The following ZNF892 variants were observed in gnomAD, a reference collection of about 807,000 sequenced individuals.
ZNF892 encodes the protein zinc finger protein 892.
At chr2:95,225,197 T>A in the ZNF892 span, among the ~76,000 whole-genome samples, 3 of 152,226 alleles carry the variant, frequency 2.0e-5, no homozygotes, top group Non-Finnish European at 4.4e-5. Flanking sequence ...TCTTTCCTTT[T>A]TTAAAAAAAT....
chr2:95,253,468 G>C, the ZNF892 span, among the ~76,000 whole-genome samples: 65 of 152,294 alleles, frequency 4.3e-4, no homozygotes, highest in Admixed American at 8.5e-4. Context: ...CCAGTACCAT[G>C]CTGTTTTGGT....
At chr2:95,225,383 AG>A in the ZNF892 span, among the ~76,000 whole-genome samples, 3 of 152,310 alleles carry the variant, frequency 2.0e-5, no homozygotes, top group Non-Finnish European at 2.9e-5. Flanking sequence ...TTCGAGATCA[AG>A]GGGCTAGCAT....
At chr2:95,241,150 A>G in the ZNF892 span, among the ~76,000 whole-genome samples, 2 of 152,222 alleles carry the variant, frequency 1.3e-5, no homozygotes, top group South Asian at 4.1e-4. Flanking sequence ...CACCTGCTCT[A>G]CCAAAAAGCA....
At chr2:95,217,183 CTCT>C in the ZNF892 span, among the ~76,000 whole-genome samples, 1 of 152,144 alleles carries the variant, frequency 6.6e-6, no homozygotes, top group Non-Finnish European at 1.5e-5. Flanking sequence ...AAATAGCTCC[CTCT>C]TCTTATCAGT....
chr2:95,250,420 A>G, the ZNF892 span, among the ~76,000 whole-genome samples: 1 of 151,668 alleles, frequency 6.6e-6, no homozygotes, highest in Non-Finnish European at 1.5e-5. Context: ...TCATATGAAC[A>G]TGAAAAACAT....
At chr2:95,235,237 A>G in the ZNF892 span, among the ~76,000 whole-genome samples, 1 of 152,226 alleles carries the variant, frequency 6.6e-6, no homozygotes, top group Non-Finnish European at 1.5e-5. Context: ...CATCCAGTCA[A>G]GATTTCTAGA....
chr2:95,228,485 C>T, the ZNF892 span, among the ~76,000 whole-genome samples: 1 of 152,106 alleles, frequency 6.6e-6, no homozygotes, highest in Non-Finnish European at 1.5e-5. Flanking sequence ...TTGTCCTGTT[C>T]CTAATGCTAA....
At chr2:95,206,595 A>G in the ZNF892 span, among the ~76,000 whole-genome samples, 1 of 152,260 alleles carries the variant, frequency 6.6e-6, no homozygotes, top group African/African-American at 2.4e-5. Context: ...ACCAGGTGCA[A>G]GGCTTTAAAT....
the ZNF892 span, among the ~76,000 whole-genome samples, chr2:95,218,402 A>T: frequency 6.6e-6 from 1 of 152,246 alleles, no homozygotes; most frequent in Admixed American, 6.5e-5. Flanking sequence ...CCTTTCAGAA[A>T]ACACTAGAAC....
the ZNF892 span, among the ~76,000 whole-genome samples, chr2:95,250,750 CCATAAATTATAAATTTAT>C: frequency 5.7e-5 from 8 of 139,532 alleles, no homozygotes; most frequent in African/African-American, 7.8e-5. Context: ...TATAAAATAT[CCATAAATTATAAATTTAT>C]CATAAATTAT....
the ZNF892 span, among the ~76,000 whole-genome samples, chr2:95,249,703 A>G: frequency 6.6e-6 from 1 of 152,240 alleles, no homozygotes; most frequent in Non-Finnish European, 1.5e-5. Context: ...CTTTTTCGTA[A>G]TGTAATTTTT....
At chr2:95,209,617 T>TA in the ZNF892 span, among the ~76,000 whole-genome samples, 1 of 152,176 alleles carries the variant, frequency 6.6e-6, no homozygotes, top group Non-Finnish European at 1.5e-5. Flanking sequence ...ATGATCCTTA[T>TA]AAAACCATGG....
At chr2:95,214,964 C>T in the ZNF892 span, 5 of 488,362 alleles carry the variant, frequency 1.0e-5, no homozygotes, top group African/African-American at 6.0e-5. Flanking sequence ...GCAATGAATG[C>T]GGGAAGGCCT....
At chr2:95,210,138 CATGTATAT>C in the ZNF892 span, among the ~76,000 whole-genome samples, 25 of 141,166 alleles carry the variant, frequency 1.8e-4, no homozygotes, top group African/African-American at 4.5e-4. Flanking sequence ...TATGTGTATA[CATGTATAT>C]ATGTATATAT....
chr2:95,262,132 CT>C, the ZNF892 span, among the ~76,000 whole-genome samples: 1 of 152,180 alleles, frequency 6.6e-6, no homozygotes. Flanking sequence ...TTCTAAAATA[CT>C]TTTACTAATT....
chr2:95,237,282 G>C, the ZNF892 span, among the ~76,000 whole-genome samples: 3 of 151,918 alleles, frequency 2.0e-5, no homozygotes, highest in Admixed American at 2.0e-4. Context: ...CGAGTAGCTG[G>C]GACTACAGGT....
chr2:95,231,453 T>C, the ZNF892 span, among the ~76,000 whole-genome samples: 1 of 152,190 alleles, frequency 6.6e-6, no homozygotes, highest in African/African-American at 2.4e-5. Context: ...CTTATCCTGA[T>C]TGGGGTGTGC....
chr2:95,226,192 T>C, the ZNF892 span, among the ~76,000 whole-genome samples: 1 of 152,242 alleles, frequency 6.6e-6, no homozygotes, highest in Non-Finnish European at 1.5e-5. Context: ...TGCCCCAGGC[T>C]GTTCATGACA....
chr2:95,229,184 A>C, the ZNF892 span, among the ~76,000 whole-genome samples: 7 of 152,220 alleles, frequency 4.6e-5, no homozygotes, highest in East Asian at 1.3e-3. Context: ...CATGTCCTCA[A>C]CCAGGGCAAA....
Sources: allele counts gnomAD v4.1 joint callset (sites outside exome capture counted in the v4.1 genomes callset), GRCh38; gene constraint gnomAD v4.1.1; transcripts MANE v1.5; gene names NCBI Gene and HGNC (gene_info 2026-07-23, HGNC 2026-07-21).